EXT1: variants seen among roughly 807,000 people sequenced by gnomAD.
EXT1 encodes the protein exostosin-1.
Under a neutral mutation model 82.5 loss-of-function variants are expected in EXT1, and 20 were observed. The observed-to-expected ratio is 0.24, with a 90% CI of 0.17 to 0.35. The LOEUF (loss-of-function observed/expected upper bound fraction) is 0.35. EXT1 is among the 10% of genes least tolerant of loss of function. The pLI is 1.00. For missense variants in EXT1, 757 were observed against 936.5 expected, an observed-to-expected ratio of 0.81 and a Z score of 2.50; for synonymous variants, 348 against 350.8, an observed-to-expected ratio of 0.99 and a Z score of 0.09.
chr8:118,051,579 G>T (rs574546378), intron 1 of EXT1, among the ~76,000 whole-genome samples: 2 of 152,172 alleles, frequency 1.3e-5, no homozygotes, highest in Admixed American at 1.3e-4. Flanking sequence ...CCTGGCCAGG[G>T]ATCAGTGAGA....
intron 1 of EXT1, among the ~76,000 whole-genome samples, chr8:118,010,958 A>G (rs1815887733): frequency 6.6e-6 from 1 of 152,232 alleles, no homozygotes; most frequent in Admixed American, 6.5e-5. Flanking sequence ...GTTCAGTAAT[A>G]TGACACTGAG....
At chr8:117,808,211 A>G (rs192893846) in intron 8 of EXT1, among the ~76,000 whole-genome samples, 12 of 152,354 alleles carry the variant, frequency 7.9e-5, no homozygotes, top group Non-Finnish European at 2.9e-5. Flanking sequence ...TCAAAATAAT[A>G]AACAGAAAAT....
At chr8:118,011,296 G>C in intron 1 of EXT1, among the ~76,000 whole-genome samples, 1 of 152,288 alleles carries the variant, frequency 6.6e-6, no homozygotes, top group East Asian at 1.9e-4. Context: ...ACTCGTGTCT[G>C]TCTCATAATA....
intron 1 of EXT1, among the ~76,000 whole-genome samples, chr8:118,006,223 G>C (rs923478024): frequency 1.3e-5 from 2 of 152,170 alleles, no homozygotes; most frequent in Non-Finnish European, 2.9e-5. Context: ...TTCTCTGACT[G>C]ACCGCAGGAA....
rs1182180428 is a variant in EXT1, at chr8:117,968,553, ATTTTTTTTTTTTTTTTTTTTTTTTTTTTT to A, written c.963-131381_963-131353del. 5.4e-3 allele frequency among the ~76,000 whole-genome samples: 50 copies of A among 9,300 alleles called. 17 individuals carry two copies. The African/African-American group carries it at 0.07, about 13-fold the overall frequency. 6.1% of individuals were successfully genotyped at this position (9,300 alleles called of 152,430 possible). On this transcript the variant is annotated intron_variant, in intron 1 of 10. Coordinates refer to ENST00000378204, the MANE Select transcript of EXT1 (RefSeq NM_000127.3). Reference sequence around the variant, plus strand: ...TATTTATTTATTTATTTATTTATTTATTTTTTTTTTTTTTTTTTTTTTTTTTTTTTTTTTGAGACGGAGTCTCACTCTGT... The same window carrying A: ...TATTTATTTATTTATTTATTTATTTATTTTTGAGACGGAGTCTCACTCTGT...
chr8:117,969,694 TGC>T (rs917620938), intron 1 of EXT1, among the ~76,000 whole-genome samples: 26 of 152,114 alleles, frequency 1.7e-4, no homozygotes, highest in Non-Finnish European at 3.5e-4. Context: ...TGTGTGTGTG[TGC>T]GCGCGCACGC....
intron 1 of EXT1, among the ~76,000 whole-genome samples, chr8:118,031,056 T>C (rs11562672): frequency 0.026 from 3,888 of 152,240 alleles, 149 homozygotes; most frequent in African/African-American, 0.085. Flanking sequence ...ATGTGTACCC[T>C]AGTTGAGAGC....
chr8:117,808,520 T>C (rs921924132), intron 8 of EXT1, among the ~76,000 whole-genome samples: 23 of 152,244 alleles, frequency 1.5e-4, no homozygotes, highest in African/African-American at 5.5e-4. Flanking sequence ...TACTCCAGTG[T>C]TAAAAGCAAT....
intron 9 of EXT1, among the ~76,000 whole-genome samples, 177 bp downstream of exon 9, chr8:117,807,040 C>G (rs72673923): frequency 2.5e-3 from 386 of 152,302 alleles, no homozygotes; most frequent in Non-Finnish European, 3.8e-3. Flanking sequence ...ATGAAACATG[C>G]CAAGAGGTTT....
intron 1 of EXT1, among the ~76,000 whole-genome samples, chr8:118,064,562 T>C (rs1330253790): frequency 6.6e-6 from 1 of 152,240 alleles, no homozygotes; most frequent in East Asian, 1.9e-4. Flanking sequence ...CCACATTTTC[T>C]TTATCCAGTC....
intron 1 of EXT1, among the ~76,000 whole-genome samples, chr8:118,093,341 T>C (rs1455241335): frequency 6.7e-6 from 1 of 148,664 alleles, no homozygotes; most frequent in Non-Finnish European, 1.5e-5. Context: ...CCTATAATCA[T>C]CATTGTGCAT....
intron 1 of EXT1, among the ~76,000 whole-genome samples, chr8:117,979,762 A>C (rs1318916418): frequency 6.6e-6 from 1 of 152,194 alleles, no homozygotes; most frequent in Admixed American, 6.5e-5. Context: ...CGTCTTTCCA[A>C]AGCACTGCAA....
chr8:117,850,135 G>A (rs1273438079), intron 1 of EXT1, among the ~76,000 whole-genome samples: 1 of 152,158 alleles, frequency 6.6e-6, no homozygotes, highest in African/African-American at 2.4e-5. Flanking sequence ...GGCCCTTAAT[G>A]GGACAGCATT....
chr8:117,912,965 T>C (rs1813678671), intron 1 of EXT1, among the ~76,000 whole-genome samples: 1 of 152,174 alleles, frequency 6.6e-6, no homozygotes. Flanking sequence ...GGCTCATGCC[T>C]ATAATCCCAG....
At chr8:117,810,027 A>T (rs1293525458) in intron 8 of EXT1, among the ~76,000 whole-genome samples, 1 of 152,226 alleles carries the variant, frequency 6.6e-6, no homozygotes, top group Non-Finnish European at 1.5e-5. Flanking sequence ...AAGTAAATTC[A>T]GATAAAACTA....
intron 1 of EXT1, among the ~76,000 whole-genome samples, chr8:118,078,850 A>C (rs1030532018): frequency 2.0e-5 from 3 of 152,230 alleles, no homozygotes; most frequent in Non-Finnish European, 4.4e-5. Flanking sequence ...AATTGTTACA[A>C]AGATCAGACT....
At chr8:117,832,443 G>C (rs1812116857) in intron 3 of EXT1, among the ~76,000 whole-genome samples, 2 of 151,860 alleles carry the variant, frequency 1.3e-5, no homozygotes, top group Admixed American at 1.3e-4. Context: ...AGAATTGCTT[G>C]AACTGGGAGG....
chr8:118,000,499 G>A (rs569477883), intron 1 of EXT1, among the ~76,000 whole-genome samples: 25 of 152,308 alleles, frequency 1.6e-4, no homozygotes, highest in African/African-American at 5.3e-4. Context: ...AAAGTTGCCC[G>A]AGGTGATCTC....
chr8:117,934,688 C>T (rs989933140), intron 1 of EXT1, among the ~76,000 whole-genome samples: 1 of 152,186 alleles, frequency 6.6e-6, no homozygotes, highest in Non-Finnish European at 1.5e-5. Flanking sequence ...CAGCTGGGTG[C>T]GCAAAGAACC....
Sources: allele counts gnomAD v4.1 joint callset (sites outside exome capture counted in the v4.1 genomes callset), GRCh38; gene constraint gnomAD v4.1.1; transcripts MANE v1.5; gene names NCBI Gene and HGNC (gene_info 2026-07-23, HGNC 2026-07-21).